The following SH3TC1 variants were observed in gnomAD, a reference collection of about 807,000 sequenced individuals.
SH3TC1 encodes the protein SH3 domain and tetratricopeptide repeat-containing protein 1.
A neutral mutation model predicts 117.3 loss-of-function variants in SH3TC1; 135 were observed. The observed-to-expected ratio is 1.15, with a 90% CI of 1.00 to 1.33. The LOEUF is 1.33. Among genes scored for constraint, SH3TC1 ranks in the 40% most tolerant of loss-of-function variants. SH3TC1 has a pLI of 0.00. For missense variants in SH3TC1, 2,092 were observed against 1,794.3 expected, an observed-to-expected ratio of 1.17 and a Z score of -3.00; for synonymous variants, 898 against 816.9, an observed-to-expected ratio of 1.10 and a Z score of -1.69.
chr4:8,228,381 T>C lies in SH3TC1; in HGVS notation c.2687T>C (p.Leu896Pro). Reference protein sequence around the residue: ...YYRALRVARDLGQQRNQAVGL... With the variant: ...YYRALRVARDPGQQRNQAVGL... ...CGCGCCCTGCGGGTGGCTCGGGACC[T>C]GGGCCAGCAAAGGAACCAGGCAGTG... Residue 896 changes from leucine (L) to proline (P), a missense_variant, in exon 12 of 18, where the codon CTG (leucine) becomes CCG (proline). By Grantham distance (98) the Leu-to-Pro change is moderately conservative. Transcript: ENST00000245105. 6.2e-7 allele frequency: 1 copy of C among 1,611,008 alleles called. No individual in the cohort carries two copies. The highest frequency in any genetic ancestry group is 8.5e-7 in the Non-Finnish European group (1 of 1,179,212).
chr4:8,235,532 G>T lies in SH3TC1; in HGVS notation c.3382G>T (p.Glu1128Ter). 6.2e-7 allele frequency: 1 copy of T among 1,604,756 alleles called. No homozygotes were observed. Among genetic ancestry groups the T allele is most frequent in the Non-Finnish European group, 8.5e-7 (1 of 1,175,170 alleles). The stretch of plus-strand genomic sequence containing the variant: ...CTTCTTCGACGGGGCCTGGGAGCGG[G>T]AGAAAGCTGTGTCCTTCTACCGGGT... ...DIFFDGAWEREKAVSFYRDRA... is the reference protein window; with the variant it reads ...DIFFDGAWER The change falls in exon 15 of 18, where the codon GAG (glutamate) becomes TAG (stop). Residue 1128 changes from glutamate (E) to a stop codon, truncating the protein, a stop_gained. Coordinates refer to ENST00000245105, the MANE Select transcript of SH3TC1 (RefSeq NM_018986.5). LOFTEE classifies it high-confidence loss of function.
rs1002236984 is a variant in SH3TC1, at chr4:8,228,290, G to A, written c.2596G>A (p.Ala866Thr). ...VASEDQEGVI[A>T]NMVAVALKRT... Reference sequence around the variant, plus strand: ...CAGCGAGGACCAGGAGGGCGTGATTGCCAACATGGTGGCCGTGGCTCTGAA... The same window carrying A: ...CAGCGAGGACCAGGAGGGCGTGATTACCAACATGGTGGCCGTGGCTCTGAA... Residue 866 changes from alanine to threonine, a missense_variant, in exon 12 of 18, where the codon GCC becomes ACC. Ala to Thr is a moderately conservative substitution (Grantham distance 58). Transcript: ENST00000245105. 4 of 1,612,268 alleles carry A rather than the reference G, an allele frequency of 2.5e-6. No individual in the cohort carries two copies. The East Asian group carries it at 8.9e-5, about 36-fold the overall frequency.
At chr4:8,232,583 G>T (rs1417930782) in intron 13 of SH3TC1, 7 of 1,356,098 alleles carry the variant, frequency 5.2e-6, no homozygotes, top group Non-Finnish European at 6.8e-6. Flanking sequence ...GACAGAGCCA[G>T]TTGTGTCACC....
rs1196435451 is a variant in SH3TC1, at chr4:8,219,509, G to C, written c.1091G>C (p.Ser364Thr). Residue 364 changes from serine to threonine, a missense_variant, in exon 9 of 18, where the codon AGC (serine) becomes ACC (threonine). Physicochemically the swap from Ser to Thr is moderately conservative, Grantham distance 58. Coordinates refer to ENST00000245105, the MANE Select transcript of SH3TC1 (RefSeq NM_018986.5). ...GGGTTTGTGCGGAGCAGCCTCATCA[G>C]CATGCAGGGCCCCGTGTCCGAGTGA... ...RVGFVRSSLI[S>T]MQGPVSELES... The C allele has an allele frequency of 6.3e-7, 1 of 1,576,580 alleles. No homozygotes were observed. Among genetic ancestry groups the C allele is most frequent in the Non-Finnish European group, 8.7e-7 (1 of 1,155,360 alleles).
In SH3TC1 at chr4:8,214,583, A is replaced by G. The variant is rs1719057098; in HGVS notation, c.481+3A>G. ...GTTTTCCACCTACCATGCTCTCGGT[A>G]AAGAGGTGACCCTCCCAGAATTGGT... On this transcript the variant is annotated splice_donor_region_variant and intron_variant, in intron 5 of 17. Coordinates refer to ENST00000245105, the MANE Select transcript of SH3TC1 (RefSeq NM_018986.5). 2 of 1,613,268 alleles carry G rather than the reference A, an allele frequency of 1.2e-6. No homozygotes were observed. The highest frequency in any genetic ancestry group is 3.3e-5 in the Admixed American group (2 of 60,010).
chr4:8,228,980 G>A (rs1413673155), intron 12 of SH3TC1, among the ~76,000 whole-genome samples: 1 of 152,234 alleles, frequency 6.6e-6, no homozygotes, highest in African/African-American at 2.4e-5. Context: ...GCTCCGCTGA[G>A]CTGGGACTTG....
chr4:8,199,789 G>A (rs1388736298), intron 1 of SH3TC1, among the ~76,000 whole-genome samples: 1 of 152,196 alleles, frequency 6.6e-6, no homozygotes, highest in Non-Finnish European at 1.5e-5. Context: ...CCCAGCGCCC[G>A]GTTAGCTTGG....
intron 1 of SH3TC1, among the ~76,000 whole-genome samples, chr4:8,204,202 C>T (rs906340781): frequency 1.3e-5 from 2 of 152,186 alleles, no homozygotes; most frequent in Non-Finnish European, 2.9e-5. Flanking sequence ...AAGCCAGGAG[C>T]AAGGGGACGA....
At chr4:8,214,361 C>A in intron 4 of SH3TC1, 114 bp from the exon 5 acceptor site, 1 of 893,258 alleles carries the variant, frequency 1.1e-6, no homozygotes, top group Non-Finnish European at 1.7e-6. Flanking sequence ...CTGGGTGTGT[C>A]GTCCCCCGCC....
rs753083310 is a variant in SH3TC1, at chr4:8,240,917, GGGTGGGCCCCCT to G, written c.3977_3988del (p.Trp1326_Trp1329del). The stretch of plus-strand genomic sequence containing the variant: ...CAACCTGCCTCCTCTGCCACTCTGC[GGGTGGGCCCCCT>G]GGTTGGCCCCCAGCCACCCTCGCTG... On this transcript the variant is annotated inframe_deletion, in exon 18 of 18. Coordinates refer to ENST00000245105, the MANE Select transcript of SH3TC1 (RefSeq NM_018986.5). 11 of 1,612,406 alleles carry G rather than the reference GGGTGGGCCCCCT, an allele frequency of 6.8e-6. No individual in the cohort carries two copies. The Admixed American group carries it at 8.3e-5, about 12-fold the overall frequency.
Position 8,205,500 on chromosome 4 carries a change from T to A in SH3TC1, c.172+134T>A, listed in dbSNP as rs1351793469. The A allele has an allele frequency of 1.5e-5, 17 of 1,162,924 alleles. 1 individual carries two copies. The African/African-American group carries it at 1.5e-4, about 11-fold the overall frequency. 72.0% of individuals were successfully genotyped at this position (1,162,924 alleles called of 1,614,324 possible). A position where few individuals can be genotyped will look rare whatever the true frequency, so the allele number is the denominator to read the frequency against. On this transcript the variant is annotated intron_variant, in intron 2 of 17. Transcript: ENST00000245105. The surrounding 1 kb of genome is among the most constrained non-coding windows in gnomAD (Gnocchi z 5.4). ...GGCTGGGGCTGGAGTCTGCTCTCCA[T>A]CACTTCTCGTTTCCTTCCCCCGCGT...
intron 8 of SH3TC1, among the ~76,000 whole-genome samples, chr4:8,218,857 C>T (rs1016428424): frequency 6.6e-6 from 1 of 152,192 alleles, no homozygotes; most frequent in Non-Finnish European, 1.5e-5. Context: ...CCGGGTCCAG[C>T]GCTTTGTGCT....
chr4:8,202,501 C>G (rs568236314), intron 1 of SH3TC1, among the ~76,000 whole-genome samples: 175 of 152,370 alleles, frequency 1.1e-3, no homozygotes, highest in South Asian at 2.3e-3. Flanking sequence ...TCAGATGTCT[C>G]CTGATTCACC....
At chr4:8,220,389 G>C (rs572649385) in intron 9 of SH3TC1, among the ~76,000 whole-genome samples, 69 of 152,014 alleles carry the variant, frequency 4.5e-4, no homozygotes, top group African/African-American at 1.6e-3. Context: ...GGCTCCTCTG[G>C]GGGGGGCACT....
In SH3TC1 at chr4:8,227,373, C is replaced by G. The variant is rs750158604; in HGVS notation, c.1679C>G (p.Ala560Gly). The G allele has an allele frequency of 6.4e-7, 1 of 1,568,024 alleles. No homozygotes were observed. The highest frequency in any genetic ancestry group is 8.6e-7 in the Non-Finnish European group (1 of 1,157,232). ...AKKAGLLMAL[A>G]RLCFLLGRLC... Reference sequence around the variant, plus strand: ...AAAGCTGGCCTCCTCATGGCCCTGGCCAGGCTCTGCTTCCTCCTGGGGCGG... The same window carrying G: ...AAAGCTGGCCTCCTCATGGCCCTGGGCAGGCTCTGCTTCCTCCTGGGGCGG... Residue 560 changes from alanine to glycine, a missense_variant, in exon 12 of 18, where the codon GCC becomes GGC. Ala to Gly is a moderately conservative substitution (Grantham distance 60). Coordinates refer to ENST00000245105, the MANE Select transcript of SH3TC1 (RefSeq NM_018986.5).
rs1283577284 is a variant in SH3TC1, at chr4:8,214,534, T to G, written c.435T>G (p.Phe145Leu). The G allele has an allele frequency of 6.2e-7, 1 of 1,614,048 alleles. No homozygotes were observed. The highest frequency in any genetic ancestry group is 8.5e-7 in the Non-Finnish European group (1 of 1,179,992). Reference sequence around the variant, plus strand: ...ACCAGGACCGGATCGTGGTGACGTTTAAGACTTTTGAAGAAATCTGGAAGT... The same window carrying G: ...ACCAGGACCGGATCGTGGTGACGTTGAAGACTTTTGAAGAAATCTGGAAGT... ...HSDQDRIVVT[F>L]KTFEEIWKFS... The change falls in exon 5 of 18, where the codon TTT (phenylalanine) becomes TTG (leucine). Residue 145 changes from phenylalanine (F) to leucine (L), a missense_variant. Phe to Leu is a conservative substitution (Grantham distance 22). Transcript: ENST00000245105.
intron 12 of SH3TC1, among the ~76,000 whole-genome samples, chr4:8,229,715 G>A (rs1312621220): frequency 6.6e-6 from 1 of 151,718 alleles, no homozygotes; most frequent in Non-Finnish European, 1.5e-5. Context: ...GAGTGGGGGG[G>A]TTCAGACCCA....
rs780793776 is a variant in SH3TC1, at chr4:8,235,501, A to C, written c.3351A>C (p.Gly1117=). The part of the protein sequence containing the change: ...NLGLELFEAA[G]DIFFDGAWER... The stretch of plus-strand genomic sequence containing the variant: ...GGCTGGAGCTGTTTGAGGCGGCTGG[A>C]GACATCTTCTTCGACGGGGCCTGGG... The change falls in exon 15 of 18, where the codon GGA becomes GGC. Residue 1117 remains glycine, a synonymous_variant. Transcript: ENST00000245105. The C allele has an allele frequency of 1.9e-6, 3 of 1,606,532 alleles. No homozygotes were observed. In the African/African-American group the frequency reaches 4.0e-5, roughly 22 times the overall value.
In SH3TC1 at chr4:8,206,799, C is replaced by T. The variant is rs1293074363; in HGVS notation, c.172+1433C>T. 1.3e-5 allele frequency among the ~76,000 whole-genome samples: 2 copies of T among 151,558 alleles called. No individual in the cohort carries two copies. Among genetic ancestry groups the T allele is most frequent in the African/African-American group, 4.9e-5 (2 of 41,168 alleles). ...CCCATACCCAGGTTCCCTGAATGTT[C>T]GCATTTTAGGACTTTTACTTTGTGT... is the stretch of plus-strand genomic sequence containing the variant. On this transcript the variant is annotated intron_variant, in intron 2 of 17. Transcript: ENST00000245105. This position sits in a 1 kb window ranked among gnomAD's most constrained non-coding sequence, Gnocchi z 5.5.
Sources: gnomAD v4.1 joint callset for allele counts (sites outside exome capture counted in the v4.1 genomes callset) on GRCh38, gnomAD v4.1.1 for gene constraint, Gnocchi (gnomAD v3.1) non-coding constraint, MANE v1.5 for transcripts, NCBI Gene and HGNC (gene_info 2026-07-23, HGNC 2026-07-21) for gene names.